The following EGF variants were observed in gnomAD, a reference collection of about 807,000 sequenced individuals.
The protein encoded by EGF is pro-epidermal growth factor.
EGF carries 95 observed loss-of-function variants against 143.8 expected under a neutral mutation model. The observed-to-expected ratio is 0.66, with a 90% confidence interval of 0.56 to 0.78. EGF has a LOEUF of 0.78. EGF is among the 30% of genes least tolerant of loss of function. The probability of loss-of-function intolerance (pLI) is 0.00; values close to 1 mark genes in which losing one functional copy is unlikely to be tolerated. For synonymous variants in EGF, 510 were observed against 510.5 expected (o/e 1.00, Z 0.01); for missense variants, 1,320 against 1,470.9 (o/e 0.90, Z 1.68).
At chr4:109,933,958 A>G (rs2125984031) in intron 1 of EGF, among the ~76,000 whole-genome samples, 1 of 152,196 alleles carries the variant, frequency 6.6e-6, no homozygotes, top group East Asian at 1.9e-4. Context: ...TTGCTGGGTC[A>G]AATGGTATTT....
chr4:109,983,913 A>C (rs572471021), intron 16 of EGF, among the ~76,000 whole-genome samples: 1 of 152,374 alleles, frequency 6.6e-6, no homozygotes, highest in East Asian at 1.9e-4. Flanking sequence ...AGTTGATAGT[A>C]ATTGATAAAC....
chr4:109,993,767 G>A (rs1417289090), intron 19 of EGF, among the ~76,000 whole-genome samples: 1 of 152,014 alleles, frequency 6.6e-6, no homozygotes, highest in Admixed American at 6.6e-5. Flanking sequence ...ACTTTAAAAA[G>A]GCAGTATTTC....
intron 23 of EGF, among the ~76,000 whole-genome samples, chr4:110,008,462 C>T (rs945574863): frequency 5.9e-5 from 9 of 152,126 alleles, no homozygotes; most frequent in African/African-American, 1.7e-4. Flanking sequence ...CAGGGCAGCC[C>T]GTGTTCTTGC....
At chr4:109,990,252 T>C (rs1750747655) in intron 18 of EGF, among the ~76,000 whole-genome samples, 1 of 152,182 alleles carries the variant, frequency 6.6e-6, no homozygotes, top group Non-Finnish European at 1.5e-5. Context: ...AGGAAGGTAG[T>C]CTTTGATTGC....
intron 1 of EGF, among the ~76,000 whole-genome samples, chr4:109,931,045 T>C (rs1739600481): frequency 6.6e-6 from 1 of 152,224 alleles, no homozygotes; most frequent in Non-Finnish European, 1.5e-5. Flanking sequence ...TTGTAGGTTT[T>C]GACATGGGAA....
chr4:109,958,850 T>C (rs1266971982), intron 5 of EGF, among the ~76,000 whole-genome samples: 2 of 144,168 alleles, frequency 1.4e-5, no homozygotes, highest in Admixed American at 1.4e-4. Context: ...CACAGAAGGC[T>C]GAGGTTGCAG....
chr4:109,968,813 GTA>G lies in EGF; in HGVS notation c.1576-156_1576-155del, dbSNP rs911013991. 5.8e-5 allele frequency: 47 copies of G among 806,038 alleles called. No homozygotes were observed. The Middle Eastern group carries it at 1.4e-3, about 24-fold the overall frequency. 49.9% of individuals were successfully genotyped at this position (806,038 alleles called of 1,614,324 possible). A position where few individuals can be genotyped will look rare whatever the true frequency, so the allele number is the denominator to read the frequency against. On this transcript the variant is annotated intron_variant, in intron 10 of 23. Coordinates refer to ENST00000265171, the MANE Select transcript of EGF (RefSeq NM_001963.6). ...TTAAATAACTTGCTTAAGGTTACAC[GTA>G]TCTGGGAAGCAGCCTAGTTCGAATT...
intron 1 of EGF, 191 bp from the exon 2 acceptor site, chr4:109,940,755 G>A: frequency 1.7e-6 from 1 of 599,914 alleles, no homozygotes; most frequent in South Asian, 2.1e-5. Context: ...AGTTTGTGGA[G>A]AAGACAATTT....
chr4:109,964,478 C>A lies in EGF; in HGVS notation c.1516C>A (p.Leu506Met). 6.2e-7 allele frequency: 1 copy of A among 1,613,990 alleles called. No homozygotes were observed. Among genetic ancestry groups the A allele is most frequent in the Non-Finnish European group, 8.5e-7 (1 of 1,179,874 alleles). Reference sequence around the variant, plus strand: ...TTTTGATGGAACAGACTATGGAACTCTGCTCAGCCAGCAGATGGGAATGGT... The same window carrying A: ...TTTTGATGGAACAGACTATGGAACTATGCTCAGCCAGCAGATGGGAATGGT... ...MHFDGTDYGTLLSQQMGMVYA... is the reference protein window; with the variant it reads ...MHFDGTDYGTMLSQQMGMVYA... Residue 506 changes from leucine (L) to methionine (M), a missense_variant, in exon 10 of 24, where the codon CTG becomes ATG. Physicochemically the swap from Leu to Met is conservative, Grantham distance 15. Transcript: ENST00000265171.
At chr4:109,928,613 C>T (rs6823639) in intron 1 of EGF, among the ~76,000 whole-genome samples, 5,075 of 152,138 alleles carry the variant, frequency 0.033, 291 homozygotes, top group African/African-American at 0.11. Flanking sequence ...ATTTTCCCAA[C>T]GAGAGACAGC....
rs774278695 is a variant in EGF at position 109,999,767 on chromosome 4, A to C, written c.3094A>C (p.Lys1032Gln). 3.1e-6 allele frequency: 5 copies of C among 1,613,872 alleles called. No individual in the cohort carries two copies. In the African/African-American group the frequency reaches 4.0e-5, roughly 13 times the overall value. ...CCACGCTGGCCACGGGCAGCAGCAG[A>C]AGGTCATCGTGGTGGCTGTCTGCGT... ...LRHAGHGQQQ[K>Q]VIVVAVCVVV... The change falls in exon 21 of 24, where the codon AAG (lysine) becomes CAG (glutamine). Residue 1032 changes from lysine to glutamine, a missense_variant. By Grantham distance (53) the Lys-to-Gln change is moderately conservative. Around this residue, in one of 5 missense-constraint regions of EGF, gnomAD observed 1,186 missense variants for 1,313.7 expected, o/e 0.90. Transcript: ENST00000265171.
intron 1 of EGF, among the ~76,000 whole-genome samples, chr4:109,935,053 T>C (rs1028910270): frequency 1.3e-5 from 2 of 152,192 alleles, no homozygotes; most frequent in African/African-American, 4.8e-5. Context: ...GGGCTCTTTT[T>C]TGGTTAGATA....
intron 1 of EGF, among the ~76,000 whole-genome samples, chr4:109,939,432 A>G (rs1157243625): frequency 6.6e-6 from 1 of 152,224 alleles, no homozygotes; most frequent in Non-Finnish European, 1.5e-5. Context: ...CAGTTCCTCC[A>G]GTTACAGGCA....
chr4:110,010,031 TTGAGACCAGCCTGTCTCTACCAAA>T (rs763089597), intron 23 of EGF, among the ~76,000 whole-genome samples: 12 of 152,152 alleles, frequency 7.9e-5, no homozygotes, highest in Admixed American at 1.3e-4. Flanking sequence ...GGTCAGGAGT[TTGAGACCAGCCTGTCTCTACCAAA>T]TGAGACCAGC....
intron 15 of EGF, among the ~76,000 whole-genome samples, chr4:109,982,078 G>C (rs11569022): frequency 0.024 from 3,662 of 151,588 alleles, 152 homozygotes; most frequent in African/African-American, 0.081. Flanking sequence ...GGGACCACAG[G>C]CATGCACCAC....
chr4:109,935,288 G>T (rs1461412905), intron 1 of EGF, among the ~76,000 whole-genome samples: 5 of 152,124 alleles, frequency 3.3e-5, no homozygotes, highest in African/African-American at 9.7e-5. Context: ...TCCCTTATAA[G>T]TTGGATTCCT....
intron 1 of EGF, among the ~76,000 whole-genome samples, chr4:109,915,448 C>T (rs748453277): frequency 6.6e-5 from 10 of 152,246 alleles, no homozygotes; most frequent in Non-Finnish European, 1.5e-4. Flanking sequence ...GATGAGATGC[C>T]GTATTTGAAC....
At chr4:109,994,441 T>C (rs575546279) in intron 19 of EGF, among the ~76,000 whole-genome samples, 2 of 152,216 alleles carry the variant, frequency 1.3e-5, no homozygotes, top group Non-Finnish European at 2.9e-5. Context: ...GGTTTGTTTT[T>C]ATGAGATCAG....
chr4:109,948,878 A>G (rs1743317845), intron 5 of EGF, among the ~76,000 whole-genome samples: 1 of 152,192 alleles, frequency 6.6e-6, no homozygotes, highest in Admixed American at 6.5e-5. Context: ...TGATCTGGAA[A>G]GTGGTACTTT....
Sources: allele counts gnomAD v4.1 joint callset (sites outside exome capture counted in the v4.1 genomes callset), GRCh38; gene constraint gnomAD v4.1.1; regional missense constraint gnomAD v4.1.1; transcripts MANE v1.5; gene names NCBI Gene and HGNC (gene_info 2026-07-23, HGNC 2026-07-21).